CCDC50: variants seen among roughly 807,000 people sequenced by gnomAD.
The protein encoded by CCDC50 is coiled-coil domain containing 50, also known as coiled-coil domain-containing protein 50.
Under a neutral mutation model 70.2 loss-of-function variants are expected in CCDC50, and 54 were observed. That is an observed-to-expected ratio of 0.77 (90% CI 0.62 to 0.96). The LOEUF (loss-of-function observed/expected upper bound fraction) is 0.96. Ranked by LOEUF, CCDC50 falls within the 50% of genes least tolerant of loss-of-function variation. The pLI, the probability that CCDC50 is intolerant of heterozygous loss-of-function variation, is 0.00. For missense variants in CCDC50, 558 were observed against 578.7 expected (o/e 0.96, Z 0.37); for synonymous variants, 216 against 198.8 (o/e 1.09, Z -0.73).
intron 1 of CCDC50, among the ~76,000 whole-genome samples, chr3:191,338,648 G>T (rs1711599163): frequency 6.6e-6 from 1 of 152,198 alleles, no homozygotes; most frequent in Non-Finnish European, 1.5e-5. Context: ...GTCTTTGGTG[G>T]ATCCACAAAT....
intron 1 of CCDC50, among the ~76,000 whole-genome samples, chr3:191,333,285 C>A (rs376029746): frequency 2.0e-5 from 3 of 152,170 alleles, no homozygotes; most frequent in Admixed American, 6.5e-5. Context: ...CTAGAAAGCA[C>A]TGATTTATTT....
chr3:191,370,109 A>G (rs745787595), intron 5 of CCDC50, 73 bp downstream of exon 5: 10 of 1,092,798 alleles, frequency 9.2e-6, no homozygotes, highest in Non-Finnish European at 1.4e-5. Context: ...TTTTGTTCAT[A>G]AAGTGACCTT....
intron 1 of CCDC50, among the ~76,000 whole-genome samples, chr3:191,339,375 CTAAA>C (rs1456815942): frequency 6.6e-6 from 1 of 152,110 alleles, no homozygotes; most frequent in African/African-American, 2.4e-5. Context: ...TCTAAACCAT[CTAAA>C]TAATTTTGAC....
chr3:191,387,047 C>A lies in CCDC50; in HGVS notation c.1323-2449C>A, dbSNP rs75970437. Among the ~76,000 whole-genome samples the A allele has an allele frequency of 5.7e-4, 86 of 152,176 alleles. 1 individual carries two copies. In the East Asian group the frequency reaches 0.016, roughly 28 times the overall value. On this transcript the variant is annotated intron_variant, in intron 10 of 11. Coordinates refer to ENST00000392455, the MANE Select transcript of CCDC50 (RefSeq NM_178335.3). ...TATTAATGTGAAATACAGTTGTCTCCATTTATTCATTTATCAAGTATTTAT... is the reference window on the plus strand; with the variant it reads ...TATTAATGTGAAATACAGTTGTCTCAATTTATTCATTTATCAAGTATTTAT...
intron 1 of CCDC50, among the ~76,000 whole-genome samples, chr3:191,341,456 G>A (rs1440020532): frequency 6.6e-6 from 1 of 152,136 alleles, no homozygotes; most frequent in Non-Finnish European, 1.5e-5. Context: ...GTCCTGATCT[G>A]TACTCAAGAT....
Position 191,375,199 on chromosome 3 carries a change from C to A in CCDC50, c.586C>A (p.Gln196Lys). The A allele has an allele frequency of 1.9e-6, 3 of 1,613,746 alleles. No individual in the cohort carries two copies. The highest frequency in any genetic ancestry group is 1.7e-6 in the Non-Finnish European group (2 of 1,179,800). ...ACTGGAGAACTTGGAAGAGCCAGAA[C>A]AACATTGTTCATCGAAGAGATCCCT... ...HPLENLEEPE[Q>K]HCSSKRSLSS... Residue 196 changes from glutamine (Q) to lysine (K), a missense_variant, in exon 6 of 12, where the codon CAA becomes AAA. Coordinates refer to ENST00000392455, the MANE Select transcript of CCDC50 (RefSeq NM_178335.3).
Position 191,364,488 on chromosome 3 carries a change from A to C in CCDC50, c.330+3329A>C, listed in dbSNP as rs145896305. On this transcript the variant is annotated intron_variant, in intron 4 of 11. Coordinates refer to ENST00000392455, the MANE Select transcript of CCDC50 (RefSeq NM_178335.3). The stretch of plus-strand genomic sequence containing the variant: ...AAATCTCTCTCTGGGTTTCCACCCA[A>C]ATCTCTTTAAGAGATTTTTGGGGTC... Among the ~76,000 whole-genome samples the C allele has an allele frequency of 5.3e-3, 810 of 152,114 alleles. 4 individuals carry two copies. The highest frequency in any genetic ancestry group is 0.019 in the African/African-American group (770 of 41,466).
intron 4 of CCDC50, among the ~76,000 whole-genome samples, chr3:191,366,018 T>C (rs1453025928): frequency 6.6e-6 from 1 of 152,122 alleles, no homozygotes; most frequent in Non-Finnish European, 1.5e-5. Context: ...ATGACAGAAA[T>C]ACCCTAAGGA....
intron 6 of CCDC50, among the ~76,000 whole-genome samples, chr3:191,377,133 A>C (rs1046213862): frequency 4.6e-5 from 7 of 152,192 alleles, no homozygotes; most frequent in Non-Finnish European, 1.0e-4. Flanking sequence ...CTACAACATG[A>C]GCTGCTGCTT....
At chr3:191,362,301 T>C (rs1015177682) in intron 4 of CCDC50, among the ~76,000 whole-genome samples, 1 of 152,072 alleles carries the variant, frequency 6.6e-6, no homozygotes, top group Non-Finnish European at 1.5e-5. Flanking sequence ...AACATTTTTT[T>C]TTTTGTAGAG....
Position 191,397,823 on chromosome 3 carries a change from C to T in CCDC50, c.*6063C>T, listed in dbSNP as rs1191868563. ...TATAACCAAGCCCCAGAAGAATAGG[C>T]AGCTTTGAAATAGCTAGTTCGTGGA... On this transcript the variant is annotated 3_prime_UTR_variant, in exon 12 of 12. Coordinates refer to ENST00000392455, the MANE Select transcript of CCDC50 (RefSeq NM_178335.3). 2 of 152,242 alleles carry T rather than the reference C, an allele frequency of 1.3e-5. No homozygotes were observed. Among genetic ancestry groups the T allele is most frequent in the African/African-American group, 4.8e-5 (2 of 41,456 alleles). The allele number at this position is 152,242 out of a possible 1,614,324, so 9.4% of individuals were successfully genotyped here. A position where few individuals can be genotyped will look rare whatever the true frequency, so the allele number is the denominator to read the frequency against.
chr3:191,391,896 A>G lies in CCDC50; in HGVS notation c.*136A>G, dbSNP rs1713708706. 1.8e-5 allele frequency: 14 copies of G among 772,362 alleles called. No individual in the cohort carries two copies. Among genetic ancestry groups the G allele is most frequent in the Non-Finnish European group, 3.0e-5 (14 of 462,430 alleles). The allele number at this position is 772,362 out of a possible 1,614,324, so 47.8% of individuals were successfully genotyped here. ...TATCCTCAAGTGCATTTCTGACCAT[A>G]AGTAATTTTAATTCATTTCAAATGT... is the stretch of plus-strand genomic sequence containing the variant. On this transcript the variant is annotated 3_prime_UTR_variant, in exon 12 of 12. Transcript: ENST00000392455.
chr3:191,338,419 G>A (rs1711591013), intron 1 of CCDC50, among the ~76,000 whole-genome samples: 1 of 152,180 alleles, frequency 6.6e-6, no homozygotes, highest in Non-Finnish European at 1.5e-5. Flanking sequence ...AATGGTCCAC[G>A]TTCTTCCCAT....
At chr3:191,390,506 C>A (rs1028995504) in intron 11 of CCDC50, among the ~76,000 whole-genome samples, 2 of 152,084 alleles carry the variant, frequency 1.3e-5, no homozygotes, top group African/African-American at 2.4e-5. Context: ...GTATATTATT[C>A]ATGAGTTTTC....
chr3:191,384,481 A>G (rs1435523810), intron 10 of CCDC50, among the ~76,000 whole-genome samples: 2 of 152,158 alleles, frequency 1.3e-5, no homozygotes, highest in African/African-American at 4.8e-5. Flanking sequence ...TTTGGTTTCA[A>G]GGATTGAAAA....
chr3:191,383,560 ATTC>A (rs1713394639), intron 10 of CCDC50, among the ~76,000 whole-genome samples: 1 of 152,138 alleles, frequency 6.6e-6, no homozygotes, highest in Admixed American at 6.6e-5. Context: ...TTTGAATTTT[ATTC>A]TTATTTGTTA....
chr3:191,388,915 A>T (rs981603693), intron 10 of CCDC50, among the ~76,000 whole-genome samples: 1 of 124,346 alleles, frequency 8.0e-6, no homozygotes, highest in African/African-American at 3.0e-5. Context: ...AGTAGTAAAA[A>T]TTATATCTTT....
At chr3:191,357,966 A>G in intron 2 of CCDC50, 32 bp from the exon 3 acceptor site, 1 of 1,613,690 alleles carries the variant, frequency 6.2e-7, no homozygotes, top group Middle Eastern at 1.7e-4. Context: ...CCAAGACATT[A>G]TTCATTCCTG....
intron 4 of CCDC50, among the ~76,000 whole-genome samples, chr3:191,365,152 A>C (rs1712637974): frequency 6.6e-6 from 1 of 151,854 alleles, no homozygotes; most frequent in Non-Finnish European, 1.5e-5. Context: ...TTAAGGAAAA[A>C]CTTTTTTTTT....
Sources: gnomAD v4.1 joint callset for allele counts (sites outside exome capture counted in the v4.1 genomes callset) on GRCh38, gnomAD v4.1.1 for gene constraint, MANE v1.5 for transcripts, NCBI Gene and HGNC (gene_info 2026-07-23, HGNC 2026-07-21) for gene names.